ASIC2: variants seen among roughly 807,000 people sequenced by gnomAD.
ASIC2 encodes the protein acid sensing ion channel subunit 2.
ASIC2 carries 25 observed loss-of-function variants against 57.3 expected under a neutral mutation model. The ratio of observed to expected loss-of-function variants is 0.44; its 90% CI spans 0.32 to 0.61. The LOEUF (loss-of-function observed/expected upper bound fraction) is 0.61, where lower values mean the gene tolerates loss of function less well. ASIC2 is among the 20% of genes least tolerant of loss of function. The pLI is 0.06. For missense variants in ASIC2, 641 were observed against 738.1 expected (o/e 0.87, Z 1.52); for synonymous variants, 319 against 307.5 (o/e 1.04, Z -0.39).
intron 1 of ASIC2, among the ~76,000 whole-genome samples, chr17:34,054,090 G>C (rs1005359608): frequency 5.3e-5 from 8 of 152,254 alleles, no homozygotes; most frequent in Non-Finnish European, 1.2e-4. Flanking sequence ...GCAGTCAACC[G>C]TATGTTCTTT....
intron 1 of ASIC2, among the ~76,000 whole-genome samples, chr17:33,579,037 G>C (rs1030561400): frequency 2.0e-5 from 3 of 152,108 alleles, no homozygotes; most frequent in African/African-American, 7.2e-5. Context: ...TGTAATCCCA[G>C]CACTTTGGGA....
intron 1 of ASIC2, chr17:34,039,996 G>A: frequency 1.4e-6 from 1 of 717,018 alleles, no homozygotes; most frequent in Non-Finnish European, 2.1e-6. Flanking sequence ...GGCCTCTCCT[G>A]AGCGCCGCAA....
At chr17:33,951,835 C>A (rs1904584575) in intron 1 of ASIC2, among the ~76,000 whole-genome samples, 1 of 151,418 alleles carries the variant, frequency 6.6e-6, no homozygotes, top group South Asian at 2.1e-4. Flanking sequence ...CTTAAGTTAT[C>A]CACCCGTCTT....
intron 3 of ASIC2, among the ~76,000 whole-genome samples, chr17:33,047,295 C>T (rs2091959490): frequency 6.6e-6 from 1 of 152,118 alleles, no homozygotes; most frequent in Admixed American, 6.5e-5. Context: ...CATACTGGGG[C>T]ACATGTCTCA....
intron 1 of ASIC2, among the ~76,000 whole-genome samples, chr17:33,251,023 C>A (rs1450504256): frequency 6.6e-6 from 1 of 152,178 alleles, no homozygotes; most frequent in Non-Finnish European, 1.5e-5. Context: ...CTACTTGTTA[C>A]TTTCCTGATG....
At chr17:33,665,857 C>T (rs1364226681) in intron 1 of ASIC2, among the ~76,000 whole-genome samples, 1 of 152,168 alleles carries the variant, frequency 6.6e-6, no homozygotes, top group Non-Finnish European at 1.5e-5. Flanking sequence ...TTTTGCTTCT[C>T]TCTCCAGAGA....
At chr17:33,947,003 T>A (rs936553641) in intron 1 of ASIC2, among the ~76,000 whole-genome samples, 1 of 152,182 alleles carries the variant, frequency 6.6e-6, no homozygotes, top group Admixed American at 6.5e-5. Context: ...ATTATTGTTA[T>A]AAAGTTCTGA....
intron 1 of ASIC2, among the ~76,000 whole-genome samples, chr17:33,343,873 C>A (rs1159543737): frequency 6.6e-6 from 1 of 152,196 alleles, no homozygotes; most frequent in African/African-American, 2.4e-5. Flanking sequence ...CACAGAAGCC[C>A]CTGAAAAGCG....
chr17:33,918,841 A>G (rs1915645942), intron 1 of ASIC2, among the ~76,000 whole-genome samples: 1 of 152,222 alleles, frequency 6.6e-6, no homozygotes, highest in Non-Finnish European at 1.5e-5. Flanking sequence ...TCTCAATGCT[A>G]CTGTACATGA....
At chr17:33,702,552 T>C (rs559788658) in intron 1 of ASIC2, among the ~76,000 whole-genome samples, 51 of 152,240 alleles carry the variant, frequency 3.3e-4, no homozygotes, top group African/African-American at 1.2e-3. Context: ...CTTTAACTTG[T>C]GTCCAAAAGG....
chr17:33,549,709 C>T (rs1335251298), intron 1 of ASIC2, among the ~76,000 whole-genome samples: 2 of 152,140 alleles, frequency 1.3e-5, no homozygotes, highest in African/African-American at 4.8e-5. Context: ...CCTGTTCTTT[C>T]CTCCTTTAGG....
chr17:34,057,876 T>C (rs1330823849), intron 1 of ASIC2, among the ~76,000 whole-genome samples: 1 of 151,980 alleles, frequency 6.6e-6, no homozygotes, highest in East Asian at 1.9e-4. Context: ...AAGCCAATAC[T>C]TTCCACATTT....
intron 1 of ASIC2, among the ~76,000 whole-genome samples, chr17:33,960,816 C>T (rs1327232722): frequency 3.9e-5 from 6 of 152,204 alleles, no homozygotes; most frequent in Admixed American, 1.3e-4. Flanking sequence ...CCTTCTAACA[C>T]TCAGCACACT....
intron 1 of ASIC2, among the ~76,000 whole-genome samples, chr17:34,106,203 T>C (rs144637434): frequency 5.3e-4 from 81 of 152,288 alleles, no homozygotes; most frequent in African/African-American, 1.8e-3. Flanking sequence ...GATATCACAA[T>C]TGGAGATACA....
At chr17:33,561,715 A>G (rs917968232) in intron 1 of ASIC2, among the ~76,000 whole-genome samples, 1 of 149,088 alleles carries the variant, frequency 6.7e-6, no homozygotes, top group African/African-American at 2.6e-5. Context: ...TTGAAAGAAG[A>G]GCAGGCAGGA....
At chr17:33,352,152 T>C (rs1714250876) in intron 1 of ASIC2, among the ~76,000 whole-genome samples, 1 of 152,082 alleles carries the variant, frequency 6.6e-6, no homozygotes, top group Non-Finnish European at 1.5e-5. Context: ...TCAGTCTCTA[T>C]CTGTAGCTAA....
At chr17:33,442,572 T>A (rs938493739) in intron 1 of ASIC2, among the ~76,000 whole-genome samples, 51 of 152,214 alleles carry the variant, frequency 3.4e-4, no homozygotes, top group Non-Finnish European at 1.0e-4. Flanking sequence ...TATTCATTGC[T>A]AGCATATAGA....
In ASIC2 at chr17:33,233,869, GCACA is replaced by G. The variant is rs538431488; in HGVS notation, c.708+57535_708+57538del. On this transcript the variant is annotated intron_variant, in intron 1 of 9. Transcript: ENST00000225823. ...CAGATTGTCAAGAGAAACCTCCGGT[GCACA>G]CGCTTACCAAGTGCTGCTTCTGTAC... Among the ~76,000 whole-genome samples, 62 of 152,312 alleles carry G rather than the reference GCACA, an allele frequency of 4.1e-4. 1 individual carries two copies. In the South Asian group the frequency reaches 6.0e-3, roughly 15 times the overall value.
rs1206934594 is a variant in ASIC2, at chr17:33,089,049, C to T, written c.860-59G>A. ...AGTAACAACAGATGCTCATGGAGTC[C>T]TGGGATTGAAAAGCTCAAAGGGATG... On this transcript the variant is annotated intron_variant, in intron 2 of 9. Coordinates refer to ENST00000225823, the MANE Select transcript of ASIC2 (RefSeq NM_183377.2). 2.5e-6 allele frequency: 4 copies of T among 1,602,900 alleles called. No individual in the cohort carries two copies. The African/African-American group carries it at 4.0e-5, about 16-fold the overall frequency.
Sources: allele counts gnomAD v4.1 joint callset (sites outside exome capture counted in the v4.1 genomes callset), GRCh38; gene constraint gnomAD v4.1.1; transcripts MANE v1.5; gene names NCBI Gene and HGNC (gene_info 2026-07-23, HGNC 2026-07-21).